The following RAB36 variants were observed in gnomAD, a reference collection of about 807,000 sequenced individuals.
RAB36 encodes RAB36, member RAS oncogene family.
RAB36 carries 33 observed loss-of-function variants against 39.3 expected under a neutral mutation model. The observed-to-expected ratio is 0.84, with a 90% confidence interval of 0.64 to 1.12. RAB36 has a LOEUF of 1.12. RAB36 is among the 50% of genes most tolerant of loss of function. RAB36 has a pLI of 0.00. For missense variants in RAB36, 308 were observed against 355.3 expected (o/e 0.87, Z 1.07); for synonymous variants, 133 against 140.2 (o/e 0.95, Z 0.36).
intron 6 of RAB36, 64 bp from the exon 7 acceptor site, chr22:23,157,928 T>C: frequency 6.2e-7 from 1 of 1,608,762 alleles, no homozygotes; most frequent in Non-Finnish European, 8.5e-7. Flanking sequence ...GGGCACCTCC[T>C]GGGGAGCCCC....
rs891960313 is a variant in RAB36 at position 23,158,815 on chromosome 22, G to A, written c.447-83G>A. 7.3e-6 allele frequency: 9 copies of A among 1,239,492 alleles called. No homozygotes were observed. In the African/African-American group the frequency reaches 1.3e-4, roughly 18 times the overall value. The allele number at this position is 1,239,492 out of a possible 1,614,324, so 76.8% of individuals were successfully genotyped here. A position where few individuals can be genotyped will look rare whatever the true frequency, so the allele number is the denominator to read the frequency against. On this transcript the variant is annotated intron_variant, in intron 7 of 10. Coordinates refer to ENST00000263116, the MANE Select transcript of RAB36 (RefSeq NM_004914.5). Reference sequence around the variant, plus strand: ...CCTCCCAGCCCAGCACTTCAGCCCTGGGGAGGTCCCAAGTGTGCCCTCTGC... The same window carrying A: ...CCTCCCAGCCCAGCACTTCAGCCCTAGGGAGGTCCCAAGTGTGCCCTCTGC...
chr22:23,167,661 G>A (rs900033803), downstream of RAB36, among the ~76,000 whole-genome samples: 10 of 152,180 alleles, frequency 6.6e-5, no homozygotes, highest in Admixed American at 2.0e-4. Flanking sequence ...ACAGAGGATC[G>A]GTTAAATTGA....
chr22:23,152,991 T>G, intron 4 of RAB36, 42 bp from the exon 5 acceptor site: 1 of 1,421,796 alleles, frequency 7.0e-7, no homozygotes, highest in Non-Finnish European at 9.9e-7. Flanking sequence ...CGGGCACATT[T>G]CTGTGAGTAC....
At chr22:23,147,138 C>G (rs905671912) in intron 2 of RAB36, among the ~76,000 whole-genome samples, 6 of 152,152 alleles carry the variant, frequency 3.9e-5, no homozygotes, top group African/African-American at 1.4e-4. Context: ...TCCATGACCC[C>G]AAATCCAGGG....
downstream of RAB36, among the ~76,000 whole-genome samples, chr22:23,167,595 C>T (rs2072072592): frequency 6.6e-6 from 1 of 152,248 alleles, no homozygotes; most frequent in Non-Finnish European, 1.5e-5. Flanking sequence ...TGCAGGGCAT[C>T]TTAACCCAGG....
intron 5 of RAB36, 131 bp downstream of exon 5, chr22:23,153,265 G>A (rs2071267394): frequency 1.4e-6 from 1 of 715,866 alleles, no homozygotes. Context: ...GGGGTGTTGT[G>A]TGACACTTAG....
intron 2 of RAB36, among the ~76,000 whole-genome samples, chr22:23,148,917 C>T: frequency 6.6e-6 from 1 of 152,348 alleles, no homozygotes; most frequent in East Asian, 1.9e-4. Flanking sequence ...AGCTGCTCAC[C>T]TGCATTATTC....
At chr22:23,153,229 G>A in intron 5 of RAB36, 95 bp downstream of exon 5, 2 of 957,756 alleles carry the variant, frequency 2.1e-6, no homozygotes, top group South Asian at 1.4e-5. Context: ...ATGTCAAGGA[G>A]GACTAGTCTA....
At chr22:23,149,179 T>C (rs1484901064) in intron 2 of RAB36, among the ~76,000 whole-genome samples, 2 of 129,524 alleles carry the variant, frequency 1.5e-5, no homozygotes, top group African/African-American at 5.6e-5. Context: ...ACAGAGCAGG[T>C]GGCTGTGGCT....
chr22:23,145,662 T>G, intron 1 of RAB36, 111 bp downstream of exon 1: 2 of 1,268,226 alleles, frequency 1.6e-6, no homozygotes, highest in Admixed American at 2.6e-5. Flanking sequence ...TTCCCGCCCC[T>G]ATAACTTGAA....
chr22:23,166,806 C>T (rs1394317679), downstream of RAB36, among the ~76,000 whole-genome samples: 2 of 152,180 alleles, frequency 1.3e-5, no homozygotes, highest in Non-Finnish European at 2.9e-5. Context: ...CCACCACCCA[C>T]CACCCACTGG....
chr22:23,157,167 G>T (rs2071500462), intron 6 of RAB36, among the ~76,000 whole-genome samples: 1 of 152,178 alleles, frequency 6.6e-6, no homozygotes, highest in Admixed American at 6.5e-5. Context: ...TGGCTCCCCG[G>T]AAGTTGTTTC....
intron 5 of RAB36, among the ~76,000 whole-genome samples, chr22:23,155,538 C>A (rs1321205838): frequency 6.6e-6 from 1 of 152,200 alleles, no homozygotes; most frequent in Non-Finnish European, 1.5e-5. Context: ...CCAGTCACAC[C>A]CATCACCCAA....
At chr22:23,165,754 T>A (rs747801794), downstream of RAB36, among the ~76,000 whole-genome samples, 38 of 152,134 alleles carry the variant, frequency 2.5e-4, no homozygotes, top group Admixed American at 4.6e-4. Flanking sequence ...GCCTCCCTCA[T>A]ATGAGTGGCA....
chr22:23,158,451 G>C (rs2071584857), intron 7 of RAB36, among the ~76,000 whole-genome samples: 1 of 152,220 alleles, frequency 6.6e-6, no homozygotes, highest in South Asian at 2.1e-4. Flanking sequence ...CTTGAGAAGA[G>C]AGAATTGGCA....
chr22:23,145,475 TC>T, upstream of RAB36: 1 of 1,609,554 alleles, frequency 6.2e-7, no homozygotes, highest in Non-Finnish European at 8.5e-7. Context: ...CGCGTGGCTC[TC>T]GTTGCCATGG....
At chr22:23,154,386 T>A (rs1324775722) in intron 5 of RAB36, among the ~76,000 whole-genome samples, 1 of 152,202 alleles carries the variant, frequency 6.6e-6, no homozygotes, top group Non-Finnish European at 1.5e-5. Context: ...TAGTGCCCCC[T>A]TCTCTCAGGA....
At chr22:23,157,618 C>T (rs1162725770) in intron 6 of RAB36, among the ~76,000 whole-genome samples, 2 of 152,232 alleles carry the variant, frequency 1.3e-5, no homozygotes, top group Non-Finnish European at 2.9e-5. Context: ...CTGAGAGCTA[C>T]AGGTCTCGTC....
chr22:23,152,008 G>A (rs982497542), intron 3 of RAB36, among the ~76,000 whole-genome samples: 6 of 152,204 alleles, frequency 3.9e-5, no homozygotes, highest in African/African-American at 7.2e-5. Context: ...GCACAGCCCC[G>A]GGGGTGCATA....
Sources: gnomAD v4.1 joint callset for allele counts (sites outside exome capture counted in the v4.1 genomes callset) on GRCh38, gnomAD v4.1.1 for gene constraint, MANE v1.5 for transcripts, NCBI Gene and HGNC (gene_info 2026-07-23, HGNC 2026-07-21) for gene names.